CHGA: variants seen among roughly 807,000 people sequenced by gnomAD.
The protein encoded by CHGA is chromogranin A.
A neutral mutation model predicts 54.4 loss-of-function variants in CHGA; 41 were observed. The ratio of observed to expected loss-of-function variants is 0.75; its 90% CI spans 0.59 to 0.98. The LOEUF (loss-of-function observed/expected upper bound fraction) is 0.98. Ranked by LOEUF, CHGA falls within the 50% of genes least tolerant of loss-of-function variation. The pLI is 0.00. For missense variants in CHGA, 576 were observed against 582.3 expected (o/e 0.99, Z 0.11); for synonymous variants, 249 against 232.8 (o/e 1.07, Z -0.63).
In CHGA at chr14:92,932,642, CAGG is replaced by C. The variant is rs570207965; in HGVS notation, c.1095_1097del (p.Glu365del). On this transcript the variant is annotated inframe_deletion, in exon 7 of 8. Transcript: ENST00000216492. The surrounding 1 kb of genome is among the most constrained non-coding windows in gnomAD (Gnocchi z 5.3). Reference sequence around the variant, plus strand: ...GACGGCTGAGAAGCGGCTGGAGGGGCAGGAGGAGGAGGAGGACAACCGGGACAG... The same window carrying C: ...GACGGCTGAGAAGCGGCTGGAGGGGCAGGAGGAGGAGGACAACCGGGACAG... 3.6e-5 allele frequency: 57 copies of C among 1,592,284 alleles called. No individual in the cohort carries two copies. The highest frequency in any genetic ancestry group is 1.0e-4 in the Admixed American group (6 of 57,460).
At chr14:92,925,721 C>T (rs1227143062) in intron 2 of CHGA, among the ~76,000 whole-genome samples, 1 of 152,198 alleles carries the variant, frequency 6.6e-6, no homozygotes, top group Admixed American at 6.5e-5. Flanking sequence ...CGTGCTGACA[C>T]TCCATGCTTG....
At chr14:92,928,141 C>A (rs1886923648) in intron 4 of CHGA, among the ~76,000 whole-genome samples, 2 of 152,248 alleles carry the variant, frequency 1.3e-5, no homozygotes, top group Admixed American at 1.3e-4. Flanking sequence ...GCCGTTTCCA[C>A]CAGGGCAGGA....
In CHGA at chr14:92,934,911, G is replaced by C. The variant is rs1887091162; in HGVS notation, c.*27G>C. On this transcript the variant is annotated 3_prime_UTR_variant, in exon 8 of 8. Coordinates refer to ENST00000216492, the MANE Select transcript of CHGA (RefSeq NM_001275.4). ...ACACCGGCTGGCAGGGCTGGCCCCA[G>C]GGCACCCTGTGGCCCTGGCTCTGCT... The C allele has an allele frequency of 5.2e-6, 8 of 1,538,748 alleles. No homozygotes were observed. Among genetic ancestry groups the C allele is most frequent in the Non-Finnish European group, 7.0e-6 (8 of 1,142,622 alleles).
intron 4 of CHGA, among the ~76,000 whole-genome samples, chr14:92,929,035 T>C (rs1170402259): frequency 6.6e-6 from 1 of 152,178 alleles, no homozygotes; most frequent in Non-Finnish European, 1.5e-5. Context: ...GGAAAGCCCA[T>C]TGTTGGGGAA....
chr14:92,928,637 GACTA>G (rs150011146), intron 4 of CHGA, among the ~76,000 whole-genome samples: 1,978 of 152,262 alleles, frequency 0.013, 41 homozygotes, highest in African/African-American at 0.043. Context: ...AATATTGAAT[GACTA>G]ACTGATTACA....
Position 92,934,988 on chromosome 14 carries a change from A to G in CHGA, c.*104A>G. ...GGCCCGGATGCTGCTTCCGGTAGGGAGGCAGCCTCCAGCCTGCCCAAGCCC... is the reference window on the plus strand; with the variant it reads ...GGCCCGGATGCTGCTTCCGGTAGGGGGGCAGCCTCCAGCCTGCCCAAGCCC... On this transcript the variant is annotated 3_prime_UTR_variant, in exon 8 of 8. Transcript: ENST00000216492. 1 of 1,006,210 alleles carries G rather than the reference A, an allele frequency of 9.9e-7. No individual in the cohort carries two copies. The highest frequency in any genetic ancestry group is 1.4e-6 in the Non-Finnish European group (1 of 708,806). The allele number at this position is 1,006,210 out of a possible 1,614,324, so 62.3% of individuals were successfully genotyped here.
intron 6 of CHGA, among the ~76,000 whole-genome samples, chr14:92,931,971 C>A (rs576071084): frequency 6.6e-6 from 1 of 152,190 alleles, no homozygotes; most frequent in Non-Finnish European, 1.5e-5. Flanking sequence ...AGCCTCCCCC[C>A]ACCAACCCCA....
intron 5 of CHGA, 126 bp from the exon 6 acceptor site, chr14:92,931,124 C>T (rs560546478): frequency 5.6e-5 from 51 of 905,956 alleles, no homozygotes; most frequent in Non-Finnish European, 7.8e-5. Context: ...TAACCCTAAT[C>T]GTTGTCCTGG....
chr14:92,923,664 C>T (rs1371430371), intron 1 of CHGA, among the ~76,000 whole-genome samples: 1 of 152,224 alleles, frequency 6.6e-6, no homozygotes, highest in Non-Finnish European at 1.5e-5. Context: ...GGGCTTGGCG[C>T]CTCGGTTGCA....
In CHGA at chr14:92,934,823, C is replaced by T. The variant is rs781112577; in HGVS notation, c.1313C>T (p.Ser438Leu). ...RPEDQELESL[S>L]AIEAELEKVA... Reference sequence around the variant, plus strand: ...TAGGACCAGGAGCTGGAGAGCCTGTCGGCCATTGAAGCAGAGCTGGAGAAA... The same window carrying T: ...TAGGACCAGGAGCTGGAGAGCCTGTTGGCCATTGAAGCAGAGCTGGAGAAA... The change falls in exon 8 of 8, where the codon TCG becomes TTG. Residue 438 changes from serine to leucine, a missense_variant. By Grantham distance (145) the Ser-to-Leu change is moderately radical (BLOSUM62 -2). Transcript: ENST00000216492. The T allele has an allele frequency of 7.6e-6, 12 of 1,586,986 alleles. No individual in the cohort carries two copies. Among genetic ancestry groups the T allele is most frequent in the Non-Finnish European group, 8.6e-6 (10 of 1,167,746 alleles).
intron 7 of CHGA, 44 bp from the exon 8 acceptor site, chr14:92,934,757 C>T (rs1330122567): frequency 6.7e-7 from 1 of 1,485,092 alleles, no homozygotes; most frequent in Non-Finnish European, 9.2e-7. Context: ...GCCTTCCATG[C>T]CACTGGCCAG....
Position 92,932,986 on chromosome 14 carries a change from G to A in CHGA, c.1290+135G>A. Reference sequence around the variant, plus strand: ...AAGTCTGGGGATGGAGAGATGCTCAGACCGGGGGCTCTCAGGGTGGGAGAA... The same window carrying A: ...AAGTCTGGGGATGGAGAGATGCTCAAACCGGGGGCTCTCAGGGTGGGAGAA... On this transcript the variant is annotated intron_variant, in intron 7 of 7. Coordinates refer to ENST00000216492, the MANE Select transcript of CHGA (RefSeq NM_001275.4). The surrounding 1 kb of genome is among the most constrained non-coding windows in gnomAD (Gnocchi z 5.3). 2 of 1,333,576 alleles carry A rather than the reference G, an allele frequency of 1.5e-6. No homozygotes were observed. Among genetic ancestry groups the A allele is most frequent in the Non-Finnish European group, 2.0e-6 (2 of 1,008,068 alleles). The allele number at this position is 1,333,576 out of a possible 1,614,324, so 82.6% of individuals were successfully genotyped here.
rs901097180 is a variant in CHGA, at chr14:92,932,994, G to A, written c.1290+143G>A. 11 of 1,299,822 alleles carry A rather than the reference G, an allele frequency of 8.5e-6. No homozygotes were observed. Among genetic ancestry groups the A allele is most frequent in the Non-Finnish European group, 1.1e-5 (11 of 979,700 alleles). The allele number at this position is 1,299,822 out of a possible 1,614,324, so 80.5% of individuals were successfully genotyped here. A position where few individuals can be genotyped will look rare whatever the true frequency, so the allele number is the denominator to read the frequency against. On this transcript the variant is annotated intron_variant, in intron 7 of 7. Coordinates refer to ENST00000216492, the MANE Select transcript of CHGA (RefSeq NM_001275.4). This position sits in a 1 kb window ranked among gnomAD's most constrained non-coding sequence, Gnocchi z 5.3. ...GGATGGAGAGATGCTCAGACCGGGG[G>A]CTCTCAGGGTGGGAGAACACCCCAG...
Position 92,934,851 on chromosome 14 carries a change from G to A in CHGA, c.1341G>A (p.Val447=). The A allele has an allele frequency of 6.3e-7, 1 of 1,584,038 alleles. No individual in the cohort carries two copies. Among genetic ancestry groups the A allele is most frequent in the Non-Finnish European group, 8.6e-7 (1 of 1,166,600 alleles). ...CCATTGAAGCAGAGCTGGAGAAAGT[G>A]GCCCACCAGCTGCAGGCACTACGGC... ...LSAIEAELEK[V]AHQLQALRRG Residue 447 remains valine, a synonymous_variant, in exon 8 of 8, where the codon GTG becomes GTA. Transcript: ENST00000216492.
intron 4 of CHGA, among the ~76,000 whole-genome samples, chr14:92,928,709 C>T (rs929560722): frequency 1.3e-5 from 2 of 152,170 alleles, no homozygotes; most frequent in African/African-American, 2.4e-5. Flanking sequence ...TGTCCTGAAA[C>T]ATCTCTATTC....
chr14:92,923,533 C>A, intron 1 of CHGA, 128 bp downstream of exon 1: 1 of 802,746 alleles, frequency 1.2e-6, no homozygotes, highest in Non-Finnish European at 1.7e-6. Flanking sequence ...TTCAGCACCG[C>A]GGACAGCGCC....
Position 92,931,626 on chromosome 14 carries a change from C to A in CHGA, c.732C>A (p.Val244=), listed in dbSNP as rs200298276. ...AGGCTGAGGCTGGAGAGGAGGCTGTCCCCGAGGAAGAAGGCCCCACTGTAG... is the reference window on the plus strand; with the variant it reads ...AGGCTGAGGCTGGAGAGGAGGCTGTACCCGAGGAAGAAGGCCCCACTGTAG... ...EEEAEAGEEA[V]PEEEGPTVVL... is the part of the protein sequence containing the mutation. The change falls in exon 6 of 8, where the codon GTC becomes GTA. Residue 244 remains valine (V), a synonymous_variant. Transcript: ENST00000216492. The A allele has an allele frequency of 6.8e-6, 11 of 1,611,234 alleles. No individual in the cohort carries two copies. In the East Asian group the frequency reaches 2.5e-4, roughly 36 times the overall value.
intron 7 of CHGA, among the ~76,000 whole-genome samples, chr14:92,934,148 A>G (rs1397218888): frequency 6.6e-6 from 1 of 152,162 alleles, no homozygotes; most frequent in East Asian, 1.9e-4. Flanking sequence ...CTCCTGCTCT[A>G]AGTCTTGAGG....
Position 92,931,688 on chromosome 14 carries a change from T to C in CHGA, c.794T>C (p.Ile265Thr). 6.3e-7 allele frequency: 1 copy of C among 1,575,862 alleles called. No homozygotes were observed. The highest frequency in any genetic ancestry group is 1.2e-5 in the South Asian group (1 of 85,236). ...CACCCGAGCCTTGGCTACAAGGAGA[T>C]CCGGAAAGGCGAGAGTACGTATGAT... ...NPHPSLGYKE[I>T]RKGESRSEAL... Residue 265 changes from isoleucine to threonine, a missense_variant, in exon 6 of 8, where the codon ATC becomes ACC. Ile to Thr is a moderately conservative substitution (Grantham distance 89). Coordinates refer to ENST00000216492, the MANE Select transcript of CHGA (RefSeq NM_001275.4).
Sources: allele counts gnomAD v4.1 joint callset (sites outside exome capture counted in the v4.1 genomes callset), GRCh38; gene constraint gnomAD v4.1.1; non-coding constraint Gnocchi (gnomAD v3.1); transcripts MANE v1.5; gene names NCBI Gene and HGNC (gene_info 2026-07-23, HGNC 2026-07-21).